The following TMEM179B variants were observed in gnomAD, a reference collection of about 807,000 sequenced individuals.
TMEM179B encodes transmembrane protein 179B.
Under a neutral mutation model 18.0 loss-of-function variants are expected in TMEM179B, and 13 were observed. The observed-to-expected ratio is 0.72, with a 90% CI of 0.47 to 1.15. The LOEUF is 1.15. Ranked by LOEUF, TMEM179B falls within the 50% of genes most tolerant of loss-of-function variation. TMEM179B has a pLI of 0.00. For synonymous variants in TMEM179B, 159 were observed against 117.5 expected (o/e 1.35, Z -2.29); for missense variants, 320 against 270.6 (o/e 1.18, Z -1.28).
At chr11:62,787,871 C>T in intron 1 of TMEM179B, 1 of 590,764 alleles carries the variant, frequency 1.7e-6, no homozygotes, top group African/African-American at 1.8e-5. Context: ...AATCAGAAGC[C>T]ATTTGTGCTG....
At chr11:62,788,358 GTGCCAT>G (rs1325728397) in intron 1 of TMEM179B, among the ~76,000 whole-genome samples, 1 of 151,802 alleles carries the variant, frequency 6.6e-6, no homozygotes, top group African/African-American at 2.4e-5. Flanking sequence ...AGTCGAGATC[GTGCCAT>G]TGCACTCCAG....
chr11:62,787,842 A>C, intron 1 of TMEM179B: 1 of 645,362 alleles, frequency 1.5e-6, no homozygotes. Context: ...GTCAGTGCAG[A>C]ACCTGCGTCC....
chr11:62,787,941 A>G (rs2084307901), intron 1 of TMEM179B: 1 of 489,562 alleles, frequency 2.0e-6, no homozygotes. Flanking sequence ...ACATGATTGT[A>G]GCACAGTGTG....
In TMEM179B at chr11:62,787,427, G is replaced by A. The variant is rs1353378805; in HGVS notation, c.-5G>A. The A allele has an allele frequency of 2.6e-6, 4 of 1,560,982 alleles. No homozygotes were observed. In the South Asian group the frequency reaches 3.4e-5, roughly 13 times the overall value. On this transcript the variant is annotated 5_prime_UTR_variant, in exon 1 of 5. Coordinates refer to ENST00000333449, the MANE Select transcript of TMEM179B (RefSeq NM_199337.3). ...GCAGCGGCGCTTCCTGGTGGTCAGG[G>A]CGCCATGGCGCTGTCCTGGCTGCAG...
chr11:62,789,102 C>T lies in TMEM179B; in HGVS notation c.176C>T (p.Ala59Val), dbSNP rs200115993. 39 of 1,614,232 alleles carry T rather than the reference C, an allele frequency of 2.4e-5. No individual in the cohort carries two copies. In the Admixed American group the frequency reaches 2.5e-4, roughly 10 times the overall value. The part of the protein sequence containing the change: ...GSSLALSRPS[A>V]PSLCYFVAGA... ...TCCCTGGCCTTATCCCGTCCCTCAG[C>T]ACCATCCCTGTGCTACTTTGTAGCT... Residue 59 changes from alanine to valine, a missense_variant, in exon 2 of 5, where the codon GCA becomes GTA. Coordinates refer to ENST00000333449, the MANE Select transcript of TMEM179B (RefSeq NM_199337.3).
At chr11:62,787,592 T>C in intron 1 of TMEM179B, 65 bp downstream of exon 1, 1 of 1,443,280 alleles carries the variant, frequency 6.9e-7, no homozygotes, top group Non-Finnish European at 9.1e-7. Context: ...GCGAGGCCAC[T>C]TTCGCTTTCC....
chr11:62,787,630 G>A (rs2084302930), intron 1 of TMEM179B, 103 bp downstream of exon 1: 2 of 1,376,238 alleles, frequency 1.5e-6, no homozygotes, highest in Non-Finnish European at 1.9e-6. Flanking sequence ...CTCGGAGCCG[G>A]TGGACCTGGT....
In TMEM179B at chr11:62,789,982, A is replaced by G. The variant is rs1565194263; in HGVS notation, c.595A>G (p.Arg199Gly). ...AGCCACCCCATACCGGCCTCTGGAG[A>G]GGGGTGACCCTGAGTGGAGCTCTGA... is the stretch of plus-strand genomic sequence containing the variant. ...SEATPYRPLE[R>G]GDPEWSSETD... The change falls in exon 5 of 5, where the codon AGG (arginine) becomes GGG (glycine). Residue 199 changes from arginine to glycine, a missense_variant. Arg to Gly is a moderately radical substitution (Grantham distance 125). Coordinates refer to ENST00000333449, the MANE Select transcript of TMEM179B (RefSeq NM_199337.3). 3.7e-6 allele frequency: 6 copies of G among 1,613,900 alleles called. No homozygotes were observed. In the South Asian group the frequency reaches 6.6e-5, roughly 18 times the overall value.
chr11:62,790,021 G>A lies in TMEM179B; in HGVS notation c.634G>A (p.Val212Ile), dbSNP rs781136892. 10 of 1,613,360 alleles carry A rather than the reference G, an allele frequency of 6.2e-6. No homozygotes were observed. Among genetic ancestry groups the A allele is most frequent in the African/African-American group, 5.3e-5 (4 of 74,892 alleles). ...PEWSSETDAL[V>I]GSRLSHS Reference sequence around the variant, plus strand: ...GTGGAGCTCTGAGACAGATGCTCTCGTTGGGTCACGCCTTTCCCATTCCTG... The same window carrying A: ...GTGGAGCTCTGAGACAGATGCTCTCATTGGGTCACGCCTTTCCCATTCCTG... The change falls in exon 5 of 5, where the codon GTT (valine) becomes ATT (isoleucine). Residue 212 changes from valine (V) to isoleucine (I), a missense_variant. Val to Ile is a conservative substitution (Grantham distance 29). Coordinates refer to ENST00000333449, the MANE Select transcript of TMEM179B (RefSeq NM_199337.3).
Position 62,789,520 on chromosome 11 carries a change from C to G in TMEM179B, c.420-81C>G, listed in dbSNP as rs945109807. The stretch of plus-strand genomic sequence containing the variant: ...TCCTTTTATCCCCATCAGTTGCTCT[C>G]AACTCACAGGGCACTGGGCACAGGT... On this transcript the variant is annotated intron_variant, in intron 3 of 4. Coordinates refer to ENST00000333449, the MANE Select transcript of TMEM179B (RefSeq NM_199337.3). 8.2e-6 allele frequency: 13 copies of G among 1,589,852 alleles called. No homozygotes were observed. The African/African-American group carries it at 1.1e-4, about 13-fold the overall frequency.
chr11:62,787,768 G>A, intron 1 of TMEM179B: 1 of 689,794 alleles, frequency 1.4e-6, no homozygotes, highest in Non-Finnish European at 2.6e-6. Flanking sequence ...GCGTCTTAAA[G>A]CACTAGGTGG....
chr11:62,788,608 G>A (rs1189284514), intron 1 of TMEM179B, among the ~76,000 whole-genome samples: 1 of 150,982 alleles, frequency 6.6e-6, no homozygotes, highest in Non-Finnish European at 1.5e-5. Flanking sequence ...GGAGGCTGAG[G>A]CAGGAGAATG....
Position 62,787,785 on chromosome 11 carries a change from G to T in TMEM179B, c.96+258G>T, listed in dbSNP as rs986254176. The T allele has an allele frequency of 8.8e-6, 6 of 681,538 alleles. No individual in the cohort carries two copies. The East Asian group carries it at 1.7e-4, about 19-fold the overall frequency. The allele number at this position is 681,538 out of a possible 1,614,324, so 42.2% of individuals were successfully genotyped here. ...GTCTTAAAGCACTAGGTGGAGTCGG[G>T]TTTCGTGGCTCCTGCTGCACAGCCT... On this transcript the variant is annotated intron_variant, in intron 1 of 4. Transcript: ENST00000333449.
Position 62,789,489 on chromosome 11 carries a change from A to G in TMEM179B, c.419+63A>G, listed in dbSNP as rs550610339. ...TACCTTCCCTCTGCAGCGGGGTCCT[A>G]TAATTTCCTTTTATCCCCATCAGTT... is the stretch of plus-strand genomic sequence containing the variant. On this transcript the variant is annotated intron_variant, in intron 3 of 4. Coordinates refer to ENST00000333449, the MANE Select transcript of TMEM179B (RefSeq NM_199337.3). The G allele has an allele frequency of 5.0e-4, 804 of 1,608,986 alleles. No individual in the cohort carries two copies. The highest frequency in any genetic ancestry group is 6.3e-4 in the Non-Finnish European group (738 of 1,177,412).
chr11:62,787,783 G>C (rs2084305863), intron 1 of TMEM179B: 3 of 680,738 alleles, frequency 4.4e-6, no homozygotes, highest in Non-Finnish European at 8.0e-6. Context: ...AGGTGGAGTC[G>C]GGTTTCGTGG....
chr11:62,789,110 C>T lies in TMEM179B; in HGVS notation c.184C>T (p.Leu62=), dbSNP rs761099032. 3.7e-6 allele frequency: 6 copies of T among 1,614,126 alleles called. No individual in the cohort carries two copies. In the South Asian group the frequency reaches 4.4e-5, roughly 12 times the overall value. ...CTTATCCCGTCCCTCAGCACCATCC[C>T]TGTGCTACTTTGTAGCTGGGGCCTC... ...LALSRPSAPS[L]CYFVAGASGL... is the part of the protein sequence containing the mutation. The change falls in exon 2 of 5, where the codon CTG becomes TTG. Residue 62 remains leucine, a synonymous_variant. Transcript: ENST00000333449.
chr11:62,789,421 A>G lies in TMEM179B; in HGVS notation c.414A>G (p.Thr138=). 6.2e-7 allele frequency: 1 copy of G among 1,613,282 alleles called. No homozygotes were observed. The highest frequency in any genetic ancestry group is 8.5e-7 in the Non-Finnish European group (1 of 1,179,868). Residue 138 remains threonine (T), a synonymous_variant, in exon 3 of 5, where the codon ACA becomes ACG. Coordinates refer to ENST00000333449, the MANE Select transcript of TMEM179B (RefSeq NM_199337.3). ...LCNSIISLNT[T]ISCSEAQKIP... ...ACTCCATCATCTCCTTGAACACTAC[A>G]ATTAGGTAATGGGAGAGGGAGGGAA...
intron 1 of TMEM179B, 71 bp from the exon 2 acceptor site, chr11:62,788,952 A>T (rs1187748937): frequency 6.7e-7 from 1 of 1,489,648 alleles, no homozygotes; most frequent in Non-Finnish European, 9.1e-7. Context: ...AGTTATCACT[A>T]ACACCCTACC....
chr11:62,790,114 A>C lies in TMEM179B; in HGVS notation c.*67A>C. On this transcript the variant is annotated 3_prime_UTR_variant, in exon 5 of 5. Coordinates refer to ENST00000333449, the MANE Select transcript of TMEM179B (RefSeq NM_199337.3). ...CAAGTGCCTGTAATCCCCCCCCTCA[A>C]GGCCCTGTTTATGTTGGGAGTCTTA... is the stretch of plus-strand genomic sequence containing the variant. 8.2e-6 allele frequency: 11 copies of C among 1,337,350 alleles called. No homozygotes were observed. Among genetic ancestry groups the C allele is most frequent in the Non-Finnish European group, 7.9e-6 (8 of 1,010,456 alleles). 82.8% of individuals were successfully genotyped at this position (1,337,350 alleles called of 1,614,324 possible).
Sources: allele counts gnomAD v4.1 joint callset (sites outside exome capture counted in the v4.1 genomes callset), GRCh38; gene constraint gnomAD v4.1.1; transcripts MANE v1.5; gene names NCBI Gene and HGNC (gene_info 2026-07-23, HGNC 2026-07-21).